COMMD1: variants seen among roughly 807,000 people sequenced by gnomAD.
The protein encoded by COMMD1 is copper metabolism domain containing 1.
A neutral mutation model predicts 17.2 loss-of-function variants in COMMD1; 10 were observed. That is an observed-to-expected ratio of 0.58 (90% confidence interval 0.36 to 0.99). The LOEUF is 0.99. Among genes scored for constraint, COMMD1 ranks in the 50% least tolerant of loss-of-function variants. COMMD1 has a pLI of 0.01. For missense variants in COMMD1, 270 were observed against 231.8 expected, an observed-to-expected ratio of 1.17 and a Z score of -1.07; for synonymous variants, 97 against 91.6, an observed-to-expected ratio of 1.06 and a Z score of -0.34.
chr2:61,951,013 C>T (rs989769742), intron 1 of COMMD1, among the ~76,000 whole-genome samples: 16 of 152,272 alleles, frequency 1.1e-4, no homozygotes, highest in African/African-American at 3.9e-4. Flanking sequence ...TTTAGGGCTT[C>T]AATTGGAAGG....
chr2:61,941,038 C>G lies in COMMD1; in HGVS notation c.180+35180C>G, dbSNP rs533185332. On this transcript the variant is annotated intron_variant, in intron 1 of 2. Coordinates refer to ENST00000311832, the MANE Select transcript of COMMD1 (RefSeq NM_152516.4). ...TCCTTTCCCTTTTTTTTGTTAATAACCCCCCCTTTTTTTTTGGGATGGAGT... is the reference window on the plus strand; with the variant it reads ...TCCTTTCCCTTTTTTTTGTTAATAAGCCCCCCTTTTTTTTTGGGATGGAGT... 2.5e-5 allele frequency among the ~76,000 whole-genome samples: 3 copies of G among 117,958 alleles called. No homozygotes were observed. The East Asian group carries it at 7.8e-4, about 31-fold the overall frequency. The allele number at this position is 117,958 out of a possible 152,430, so 77.4% of individuals were successfully genotyped here.
At chr2:61,911,967 A>G (rs1034523444) in intron 1 of COMMD1, among the ~76,000 whole-genome samples, 1 of 152,022 alleles carries the variant, frequency 6.6e-6, no homozygotes, top group African/African-American at 2.4e-5. Context: ...TGGCTTGTTC[A>G]TTTGTTTAAT....
chr2:61,920,472 G>A (rs916535674), intron 1 of COMMD1, among the ~76,000 whole-genome samples: 110 of 151,154 alleles, frequency 7.3e-4, no homozygotes, highest in African/African-American at 2.4e-3. Context: ...TTACATTTCT[G>A]AGTTGGCCAA....
chr2:61,979,476 C>CA (rs1358919447), intron 1 of COMMD1, among the ~76,000 whole-genome samples: 3 of 151,944 alleles, frequency 2.0e-5, no homozygotes, highest in Non-Finnish European at 2.9e-5. Context: ...GACTCCATCT[C>CA]AAAAAAACAA....
chr2:62,105,216 T>C (rs1347904571), intron 2 of COMMD1, among the ~76,000 whole-genome samples: 1 of 151,214 alleles, frequency 6.6e-6, no homozygotes, highest in African/African-American at 2.4e-5. Context: ...AACAGAAAAA[T>C]CTCTTATTAT....
At chr2:62,113,549 A>C (rs998755619) in intron 2 of COMMD1, among the ~76,000 whole-genome samples, 1 of 151,922 alleles carries the variant, frequency 6.6e-6, no homozygotes. Flanking sequence ...ACACCCAGCT[A>C]ATTTTTGTAT....
chr2:61,927,357 G>T (rs187047077), intron 1 of COMMD1, among the ~76,000 whole-genome samples: 27 of 152,244 alleles, frequency 1.8e-4, no homozygotes, highest in African/African-American at 6.0e-4. Flanking sequence ...TTTAGTAGTG[G>T]TGATGTGAAC....
At chr2:61,958,153 A>T (rs1671243376) in intron 1 of COMMD1, among the ~76,000 whole-genome samples, 1 of 151,088 alleles carries the variant, frequency 6.6e-6, no homozygotes, top group Non-Finnish European at 1.5e-5. Context: ...CCTTTTAGTT[A>T]TTTTTCCTGA....
chr2:61,996,434 G>A (rs773899417), intron 1 of COMMD1, among the ~76,000 whole-genome samples: 2 of 151,322 alleles, frequency 1.3e-5, no homozygotes, highest in Non-Finnish European at 2.9e-5. Flanking sequence ...AGTTGGGGTG[G>A]CTGTGGCAAT....
At chr2:61,935,584 AT>A (rs1670586593) in intron 1 of COMMD1, among the ~76,000 whole-genome samples, 1 of 150,946 alleles carries the variant, frequency 6.6e-6, no homozygotes, top group African/African-American at 2.4e-5. Flanking sequence ...GCCGACCGAG[AT>A]CACACTGCTA....
chr2:61,889,192 G>C (rs1215085912), intron 1 of COMMD1, among the ~76,000 whole-genome samples: 11 of 136,114 alleles, frequency 8.1e-5, no homozygotes, highest in Non-Finnish European at 1.4e-4. Context: ...CGTCAGCCAC[G>C]AAGCCCGGCC....
In COMMD1 at chr2:62,115,832, TTTTCTTTCTTTCTTTC is replaced by T. The variant is rs772454952; in HGVS notation, c.463-19983_463-19968del. Among the ~76,000 whole-genome samples the T allele has an allele frequency of 8.4e-3, 1,140 of 135,188 alleles. 6 individuals carry two copies. Among genetic ancestry groups the T allele is most frequent in the Non-Finnish European group, 0.013 (875 of 65,420 alleles). The allele number at this position is 135,188 out of a possible 152,430, so 88.7% of individuals were successfully genotyped here. On this transcript the variant is annotated intron_variant, in intron 2 of 2. Coordinates refer to ENST00000311832, the MANE Select transcript of COMMD1 (RefSeq NM_152516.4). ...AAGTCATAATTTTGGTGGGTTTTTT[TTTTCTTTCTTTCTTTC>T]TTTCTTTCTTTCTTTTTTTTTTTTT...
At chr2:61,905,198 C>T (rs1405081228), upstream of COMMD1, among the ~76,000 whole-genome samples, 2 of 152,088 alleles carry the variant, frequency 1.3e-5, no homozygotes, top group African/African-American at 2.4e-5. Context: ...AGGCAATTAA[C>T]AACCCAAAGA....
chr2:62,044,048 T>A (rs528216654), intron 2 of COMMD1, among the ~76,000 whole-genome samples: 101 of 152,328 alleles, frequency 6.6e-4, no homozygotes, highest in African/African-American at 2.3e-3. Flanking sequence ...CCTCATGTAG[T>A]AAAGTTTTAT....
intron 2 of COMMD1, among the ~76,000 whole-genome samples, chr2:62,032,312 C>T (rs976902955): frequency 7.9e-5 from 12 of 152,096 alleles, no homozygotes; most frequent in African/African-American, 2.9e-4. Context: ...GAGGCAGGAG[C>T]ATCACGTGAG....
chr2:61,888,848 G>C (rs2105147725), intron 1 of COMMD1: 1 of 332,920 alleles, frequency 3.0e-6, no homozygotes, highest in Admixed American at 4.9e-5. Flanking sequence ...GAGTGGTGAG[G>C]ACATCCGCAT....
At chr2:62,019,023 T>TCCC in intron 2 of COMMD1, among the ~76,000 whole-genome samples, 1 of 129,358 alleles carries the variant, frequency 7.7e-6, no homozygotes, top group African/African-American at 3.9e-5. Flanking sequence ...ACCAACCAAC[T>TCCC]TCCCTCCCTC....
intron 1 of COMMD1, among the ~76,000 whole-genome samples, chr2:61,999,953 T>C (rs1668879329): frequency 6.7e-6 from 1 of 149,646 alleles, no homozygotes; most frequent in Non-Finnish European, 1.5e-5. Flanking sequence ...GAGTGCAGTC[T>C]TGCTCTGTCG....
chr2:62,084,045 G>A (rs971769969), intron 2 of COMMD1, among the ~76,000 whole-genome samples: 3 of 152,144 alleles, frequency 2.0e-5, no homozygotes, highest in African/African-American at 4.8e-5. Context: ...TTAAAACTCT[G>A]GTTCCTGGGT....
Sources: allele counts gnomAD v4.1 joint callset (sites outside exome capture counted in the v4.1 genomes callset), GRCh38; gene constraint gnomAD v4.1.1; transcripts MANE v1.5; gene names NCBI Gene and HGNC (gene_info 2026-07-23, HGNC 2026-07-21).